Variants in PTPRG observed in about 807,000 individuals in gnomAD.
PTPRG encodes the protein protein tyrosine phosphatase receptor type G.
A neutral mutation model predicts 165.3 loss-of-function variants in PTPRG; 102 were observed. That is an observed-to-expected ratio of 0.62 (90% confidence interval 0.53 to 0.73). The LOEUF is 0.73. PTPRG is among the 30% of genes least tolerant of loss of function. PTPRG has a pLI of 0.00. For synonymous variants in PTPRG, 675 were observed against 669.5 expected (o/e 1.01, Z -0.13); for missense variants, 1,866 against 1,861.4 (o/e 1.00, Z -0.05).
intron 14 of PTPRG, among the ~76,000 whole-genome samples, chr3:62,236,029 A>G (rs1701026116): frequency 6.6e-6 from 1 of 152,178 alleles, no homozygotes; most frequent in Non-Finnish European, 1.5e-5. Flanking sequence ...CACTAGAAAC[A>G]TATTTTGGTT....
At position 62,246,114 on chromosome 3, in the gene PTPRG, A is replaced by G. The variant is rs181056536; in HGVS notation, c.2467+2216A>G. ...ATTCATACTCACTACTAGTAATATA[A>G]CTATATCAAAAGAAGACTGCTTCAC... On this transcript the variant is annotated intron_variant, in intron 15 of 29. Transcript: ENST00000474889. Among the ~76,000 whole-genome samples, 595 of 152,296 alleles carry G rather than the reference A, an allele frequency of 3.9e-3. 3 individuals are homozygous for G. The highest frequency in any genetic ancestry group is 0.014 in the African/African-American group (575 of 41,568).
At chr3:62,266,097 T>C (rs954662782) in intron 17 of PTPRG, among the ~76,000 whole-genome samples, 1 of 152,204 alleles carries the variant, frequency 6.6e-6, no homozygotes, top group East Asian at 1.9e-4. Flanking sequence ...TAAATGTGAA[T>C]TGCACTTTCA....
chr3:61,660,701 T>C (rs537534035), intron 1 of PTPRG, among the ~76,000 whole-genome samples: 7 of 152,186 alleles, frequency 4.6e-5, no homozygotes, highest in Non-Finnish European at 5.9e-5. Flanking sequence ...ATAATGATGA[T>C]TGGATATTAA....
At chr3:61,916,321 G>A (rs2038934779) in intron 2 of PTPRG, among the ~76,000 whole-genome samples, 1 of 152,068 alleles carries the variant, frequency 6.6e-6, no homozygotes, top group Admixed American at 6.5e-5. Context: ...TCAGACATAG[G>A]GTGGTGTTGA....
chr3:61,612,448 T>G (rs1701197322), intron 1 of PTPRG, among the ~76,000 whole-genome samples: 1 of 152,182 alleles, frequency 6.6e-6, no homozygotes, highest in Non-Finnish European at 1.5e-5. Context: ...CCAGTTCAGT[T>G]GTAGGTAGTT....
intron 1 of PTPRG, among the ~76,000 whole-genome samples, chr3:61,721,697 G>A (rs539952273): frequency 3.9e-5 from 6 of 152,064 alleles, no homozygotes; most frequent in African/African-American, 1.4e-4. Context: ...ATCCATAGAG[G>A]TCATCCCCTG....
intron 4 of PTPRG, among the ~76,000 whole-genome samples, chr3:62,009,688 C>A (rs1223654781): frequency 6.6e-6 from 1 of 152,138 alleles, no homozygotes; most frequent in African/African-American, 2.4e-5. Context: ...TAAGCACGTC[C>A]AGTTGTGTCA....
chr3:62,222,257 T>C lies in PTPRG; in HGVS notation c.2288+3274T>C, dbSNP rs186321986. ...TTGAGAAGTTCAGGAGCATTGGGCC[T>C]GGCTGAATTTGTAAGATGGAACATC... is the stretch of plus-strand genomic sequence containing the variant. On this transcript the variant is annotated intron_variant, in intron 13 of 29. Transcript: ENST00000474889. This position sits in a 1 kb window ranked among gnomAD's most constrained non-coding sequence, Gnocchi z 4.5. Among the ~76,000 whole-genome samples the C allele has an allele frequency of 4.6e-5, 7 of 152,362 alleles. No individual in the cohort carries two copies. The East Asian group carries it at 1.3e-3, about 29-fold the overall frequency.
At chr3:62,261,247 T>C (rs967313367) in intron 16 of PTPRG, among the ~76,000 whole-genome samples, 5 of 152,204 alleles carry the variant, frequency 3.3e-5, no homozygotes, top group Admixed American at 2.0e-4. Flanking sequence ...AACAAAAGAC[T>C]AACTTGTTTC....
chr3:61,771,988 A>T (rs571148065), intron 2 of PTPRG, among the ~76,000 whole-genome samples: 45 of 139,104 alleles, frequency 3.2e-4, no homozygotes, highest in African/African-American at 1.1e-3. Flanking sequence ...TGAACCTGAG[A>T]GGCGGAGGGT....
At chr3:62,218,764 C>A (rs1194822897) in intron 12 of PTPRG, 87 bp from the exon 13 acceptor site, 2 of 1,484,008 alleles carry the variant, frequency 1.3e-6, no homozygotes, top group African/African-American at 1.4e-5. Context: ...CCAGAAACCA[C>A]ACAAAACTGG....
chr3:61,592,693 G>C (rs1229683742), intron 1 of PTPRG, among the ~76,000 whole-genome samples: 25 of 140,682 alleles, frequency 1.8e-4, no homozygotes, highest in Admixed American at 7.2e-4. Flanking sequence ...TCTAGCTTGT[G>C]GACTCTCTCA....
chr3:62,123,610 C>T (rs552278488), intron 5 of PTPRG, among the ~76,000 whole-genome samples: 1 of 152,170 alleles, frequency 6.6e-6, no homozygotes, highest in African/African-American at 2.4e-5. Flanking sequence ...ACGTTTACAA[C>T]TAAAAGTTTA....
chr3:62,160,141 C>T (rs1037500169), intron 7 of PTPRG, among the ~76,000 whole-genome samples: 7 of 152,176 alleles, frequency 4.6e-5, no homozygotes, highest in African/African-American at 1.7e-4. Flanking sequence ...TCCCTGTCAT[C>T]CAGCATGGGT....
intron 1 of PTPRG, among the ~76,000 whole-genome samples, chr3:61,689,916 T>G (rs2030072711): frequency 6.6e-6 from 1 of 152,220 alleles, no homozygotes; most frequent in South Asian, 2.1e-4. Flanking sequence ...GTTTGTGTTC[T>G]GAAGATTTTC....
chr3:61,598,323 G>A (rs1423558045), intron 1 of PTPRG, among the ~76,000 whole-genome samples: 2 of 152,188 alleles, frequency 1.3e-5, no homozygotes, highest in Non-Finnish European at 2.9e-5. Flanking sequence ...AGTGGGCCAA[G>A]AAAGTAGAAA....
At chr3:62,124,614 CCGCGAGGGAAGG>C (rs1703216870) in intron 5 of PTPRG, 13 of 156,298 alleles carry the variant, frequency 8.3e-5, no homozygotes, top group Middle Eastern at 1.4e-3. Context: ...TTCATGCTGA[CCGCGAGGGAAGG>C]TGAGACCGGG....
chr3:62,145,249 G>C (rs1704077094), intron 6 of PTPRG, among the ~76,000 whole-genome samples: 1 of 152,112 alleles, frequency 6.6e-6, no homozygotes, highest in Non-Finnish European at 1.5e-5. Context: ...TGCATCGTGA[G>C]GTAATACTAA....
chr3:61,716,849 G>A (rs529049774), intron 1 of PTPRG, among the ~76,000 whole-genome samples: 21 of 152,162 alleles, frequency 1.4e-4, no homozygotes, highest in Non-Finnish European at 2.8e-4. Context: ...GCAGGCACGC[G>A]TAATCCCAGC....
Sources: allele counts gnomAD v4.1 joint callset (sites outside exome capture counted in the v4.1 genomes callset), GRCh38; gene constraint gnomAD v4.1.1; non-coding constraint Gnocchi (gnomAD v3.1); transcripts MANE v1.5; gene names NCBI Gene and HGNC (gene_info 2026-07-23, HGNC 2026-07-21).